The following TEX11 variants were observed in gnomAD, a reference collection of about 807,000 sequenced individuals.
TEX11 encodes the protein testis expressed 11.
Under a neutral mutation model 84.4 loss-of-function variants are expected in TEX11, and 7 were observed. The ratio of observed to expected loss-of-function variants is 0.08; its 90% CI spans 0.05 to 0.16. The LOEUF is 0.16. Ranked by LOEUF, TEX11 falls within the 10% of genes least tolerant of loss-of-function variation. The pLI is 1.00. For synonymous variants in TEX11, 264 were observed against 222.8 expected (o/e 1.18, Z -1.64); for missense variants, 551 against 660.5 (o/e 0.83, Z 1.82).
rs140984555 is a variant in TEX11 at position 70,605,421 on chromosome X, C to T, written c.2047G>A (p.Ala683Thr). 350 of 1,202,574 alleles carry T rather than the reference C, an allele frequency of 2.9e-4. 1 individual carries two copies. In the African/African-American group the frequency reaches 5.5e-3, roughly 19 times the overall value. Residue 683 changes from alanine (A) to threonine (T), a missense_variant, in exon 24 of 30, where the codon GCT becomes ACT. By Grantham distance (58) the Ala-to-Thr change is moderately conservative (BLOSUM62 0). Coordinates refer to ENST00000374333, the MANE Select transcript of TEX11 (RefSeq NM_031276.3). Reference sequence around the variant, plus strand: ...ATTACCTGTTCAAAAGCTGTTGAAGCTTTTCTCCCTTGCTCTAGATCAACT... The same window carrying T: ...ATTACCTGTTCAAAAGCTGTTGAAGTTTTTCTCCCTTGCTCTAGATCAACT... ...VAVDLEQGRK[A>T]STAFEQTMFL...
At chrX:70,683,124 C>T (rs1413951923) in intron 13 of TEX11, among the ~76,000 whole-genome samples, 4 of 110,904 alleles carry the variant, frequency 3.6e-5, no homozygotes, top group Non-Finnish European at 7.6e-5. Flanking sequence ...AATTGGTTAC[C>T]GAGATCCAGT....
intron 11 of TEX11, among the ~76,000 whole-genome samples, chrX:70,735,433 T>C (rs2090688531): frequency 9.0e-6 from 1 of 111,653 alleles, no homozygotes; most frequent in Non-Finnish European, 1.9e-5. Context: ...TACAGGAAGA[T>C]TGTAGGATAT....
intron 28 of TEX11, among the ~76,000 whole-genome samples, chrX:70,539,188 C>T (rs1281271491): frequency 1.9e-5 from 2 of 106,248 alleles, no homozygotes; most frequent in Non-Finnish European, 3.9e-5. Context: ...GCGCCTACCA[C>T]CACGCCCGGC....
chrX:70,644,881 C>T (rs2089720594), intron 17 of TEX11, among the ~76,000 whole-genome samples: 1 of 103,745 alleles, frequency 9.6e-6, no homozygotes, highest in Non-Finnish European at 2.0e-5. Context: ...ATGTAACTAA[C>T]CTGCACAATG....
At chrX:70,847,489 A>C (rs1397346942) in intron 7 of TEX11, among the ~76,000 whole-genome samples, 4 of 111,092 alleles carry the variant, frequency 3.6e-5, no homozygotes, top group Non-Finnish European at 7.5e-5. Context: ...ACACTGTTCT[A>C]GTCCTCTTTC....
chrX:70,565,114 G>T (rs1293588154), intron 25 of TEX11, among the ~76,000 whole-genome samples: 15 of 109,048 alleles, frequency 1.4e-4, no homozygotes, highest in African/African-American at 4.7e-4. Flanking sequence ...GTGTGAGATG[G>T]TATCTCATTG....
chrX:70,546,070 C>T lies in TEX11; in HGVS notation c.2520+6056G>A, dbSNP rs781403788. On this transcript the variant is annotated intron_variant, in intron 28 of 29. Transcript: ENST00000374333. ...CATGTGTACAAGCTGTTAAAGTTTACAAAACATACATTATTTTCATTGATC... is the reference window on the plus strand; with the variant it reads ...CATGTGTACAAGCTGTTAAAGTTTATAAAACATACATTATTTTCATTGATC... 4.5e-5 allele frequency among the ~76,000 whole-genome samples: 5 copies of T among 111,893 alleles called. No individual in the cohort carries two copies. In the South Asian group the frequency reaches 1.9e-3, roughly 42 times the overall value.
rs753346496 is a variant in TEX11, at chrX:70,893,638, T to A, written c.38-13529A>T. Among the ~76,000 whole-genome samples the A allele has an allele frequency of 3.6e-5, 4 of 111,502 alleles. No homozygotes were observed. In the South Asian group the frequency reaches 1.5e-3, roughly 42 times the overall value. On this transcript the variant is annotated intron_variant, in intron 2 of 29. Transcript: ENST00000374333. Reference sequence around the variant, plus strand: ...TCGGAAAGCTGGATAGATCTGAAATTGACACCCAAACATCACAATTAAAAG... The same window carrying A: ...TCGGAAAGCTGGATAGATCTGAAATAGACACCCAAACATCACAATTAAAAG...
At chrX:70,845,096 A>G (rs2091471680) in intron 7 of TEX11, among the ~76,000 whole-genome samples, 2 of 112,267 alleles carry the variant, frequency 1.8e-5, no homozygotes, top group African/African-American at 3.2e-5. Context: ...GTCCATCAAC[A>G]GATGAATGGA....
chrX:70,529,771 G>A, intron 29 of TEX11, 64 bp downstream of exon 29: 1 of 1,089,371 alleles, frequency 9.2e-7, no homozygotes, highest in Non-Finnish European at 1.2e-6. Context: ...TCCTTGTGGA[G>A]AGCCCAGCCA....
chrX:70,703,731 C>T (rs2090344987), intron 13 of TEX11, among the ~76,000 whole-genome samples: 2 of 111,953 alleles, frequency 1.8e-5, no homozygotes, highest in South Asian at 7.4e-4. Context: ...TCATTTATCT[C>T]TCGCATTTCT....
intron 13 of TEX11, among the ~76,000 whole-genome samples, chrX:70,689,260 A>G (rs981208580): frequency 4.5e-5 from 5 of 111,090 alleles, no homozygotes; most frequent in African/African-American, 1.6e-4. Context: ...ACAGATGTTT[A>G]CATACCAAAA....
rs964102354 is a variant in TEX11, at chrX:70,876,231, A to C, written c.160-2924T>G. ...TTACATGTACAGTATAATTATAGCTAAATAACATTTAAACTGTAAAACTAT... is the reference window on the plus strand; with the variant it reads ...TTACATGTACAGTATAATTATAGCTCAATAACATTTAAACTGTAAAACTAT... On this transcript the variant is annotated intron_variant, in intron 3 of 29. Transcript: ENST00000374333. Among the ~76,000 whole-genome samples, 3 of 112,188 alleles carry C rather than the reference A, an allele frequency of 2.7e-5. No individual in the cohort carries two copies. In the East Asian group the frequency reaches 8.3e-4, roughly 31 times the overall value.
chrX:70,832,978 A>T (rs1272016478), intron 8 of TEX11, among the ~76,000 whole-genome samples: 1 of 112,192 alleles, frequency 8.9e-6, no homozygotes, highest in Non-Finnish European at 1.9e-5. Context: ...TTTAAGAAAT[A>T]TTCCATATCA....
intron 25 of TEX11, among the ~76,000 whole-genome samples, chrX:70,576,414 A>G (rs948334010): frequency 8.9e-6 from 1 of 112,326 alleles, no homozygotes; most frequent in African/African-American, 3.2e-5. Flanking sequence ...AACCTTTAAC[A>G]AGTCAGAATA....
chrX:70,823,330 G>C (rs1218233613), intron 8 of TEX11, among the ~76,000 whole-genome samples: 1 of 110,567 alleles, frequency 9.0e-6, no homozygotes, highest in Non-Finnish European at 1.9e-5. Context: ...CTAATGCACA[G>C]CATGGTGACT....
At chrX:70,817,396 A>C (rs965399510) in intron 8 of TEX11, among the ~76,000 whole-genome samples, 3 of 111,666 alleles carry the variant, frequency 2.7e-5, no homozygotes, top group Non-Finnish European at 5.6e-5. Context: ...ACTAAAATAA[A>C]TAAGGTCTCC....
At chrX:70,535,864 C>T (rs1207075124) in intron 28 of TEX11, among the ~76,000 whole-genome samples, 2 of 110,168 alleles carry the variant, frequency 1.8e-5, no homozygotes, top group Non-Finnish European at 3.8e-5. Context: ...ACCTCGGCCT[C>T]CCAAAGTGCT....
chrX:70,526,284 A>G (rs759955717), downstream of TEX11, among the ~76,000 whole-genome samples: 4 of 112,264 alleles, frequency 3.6e-5, no homozygotes, highest in East Asian at 8.4e-4. Context: ...TGGAGCTATC[A>G]TCAGCCAGGT....
Sources: allele counts gnomAD v4.1 joint callset (sites outside exome capture counted in the v4.1 genomes callset), GRCh38; gene constraint gnomAD v4.1.1; transcripts MANE v1.5; gene names NCBI Gene and HGNC (gene_info 2026-07-23, HGNC 2026-07-21).